ASIC2: variants seen among roughly 807,000 people sequenced by gnomAD.
The protein encoded by ASIC2 is acid sensing ion channel subunit 2.
A neutral mutation model predicts 57.3 loss-of-function variants in ASIC2; 25 were observed. That is an observed-to-expected ratio of 0.44 (90% CI 0.32 to 0.61). The LOEUF (loss-of-function observed/expected upper bound fraction) is 0.61, where lower values mean the gene tolerates loss of function less well. Ranked by LOEUF, ASIC2 falls within the 20% of genes least tolerant of loss-of-function variation. ASIC2 has a pLI of 0.06. For missense variants in ASIC2, 641 were observed against 738.1 expected, an observed-to-expected ratio of 0.87 and a Z score of 1.52; for synonymous variants, 319 against 307.5, an observed-to-expected ratio of 1.04 and a Z score of -0.39.
chr17:33,305,088 T>C (rs773607694), intron 1 of ASIC2, among the ~76,000 whole-genome samples: 4 of 152,210 alleles, frequency 2.6e-5, no homozygotes, highest in Non-Finnish European at 4.4e-5. Flanking sequence ...ATAGCTTTAA[T>C]TAATTGAGGC....
intron 1 of ASIC2, among the ~76,000 whole-genome samples, chr17:33,555,135 A>G (rs890910001): frequency 2.0e-5 from 3 of 152,170 alleles, no homozygotes; most frequent in Admixed American, 6.6e-5. Flanking sequence ...CAGATGTCTC[A>G]GAAAGTTATG....
chr17:33,990,071 G>A (rs1192823438), intron 1 of ASIC2, among the ~76,000 whole-genome samples: 1 of 152,198 alleles, frequency 6.6e-6, no homozygotes, highest in Non-Finnish European at 1.5e-5. Context: ...AAAAGAATGA[G>A]AGAAGAAGGG....
At chr17:33,906,057 C>T (rs1321359238) in intron 1 of ASIC2, among the ~76,000 whole-genome samples, 4 of 145,926 alleles carry the variant, frequency 2.7e-5, no homozygotes, top group Non-Finnish European at 4.5e-5. Context: ...TTACATTGTC[C>T]AGGCTGGTTT....
At chr17:33,682,060 C>CTTTT (rs58085265) in intron 1 of ASIC2, among the ~76,000 whole-genome samples, 4,417 of 122,696 alleles carry the variant, frequency 0.036, 372 homozygotes, top group African/African-American at 0.11. Flanking sequence ...TCAGTGACAT[C>CTTTT]TTTTTTTTTT....
intron 7 of ASIC2, among the ~76,000 whole-genome samples, chr17:33,019,474 C>CGT (rs2091825157): frequency 6.6e-6 from 1 of 151,660 alleles, no homozygotes; most frequent in Admixed American, 6.6e-5. Context: ...CCTGGACCAC[C>CGT]GTGGGTGCAT....
chr17:33,878,233 C>A (rs1381071269), intron 1 of ASIC2, among the ~76,000 whole-genome samples: 1 of 152,166 alleles, frequency 6.6e-6, no homozygotes, highest in Non-Finnish European at 1.5e-5. Flanking sequence ...ACCTCCTCAC[C>A]AGCAACAGAA....
chr17:33,753,320 AG>A lies in ASIC2; in HGVS notation c.555+402657del, dbSNP rs138916215. Among the ~76,000 whole-genome samples the A allele has an allele frequency of 2.9e-3, 436 of 152,054 alleles. 1 individual carries two copies. The highest frequency in any genetic ancestry group is 0.01 in the African/African-American group (421 of 41,510). ...ATTGGGGGAAGAAAAGGAGGGAAGA[AG>A]GGGTGAAGCTTGGGGGTGGGAGTCT... On this transcript the variant is annotated intron_variant, in intron 1 of 9. Transcript: ENST00000359872.
chr17:33,530,531 T>G (rs918967305), intron 1 of ASIC2, among the ~76,000 whole-genome samples: 2 of 152,222 alleles, frequency 1.3e-5, no homozygotes, highest in African/African-American at 4.8e-5. Context: ...TGAAACCACT[T>G]AATTGGCATG....
At chr17:33,936,359 T>G (rs1916059591) in intron 1 of ASIC2, 1 of 152,216 alleles carries the variant, frequency 6.6e-6, no homozygotes, top group Admixed American at 6.5e-5. Flanking sequence ...TTTTTTGGAC[T>G]GCACGTGGTC....
rs938617835 is a variant in ASIC2, at chr17:33,448,047, C to T, written c.556-335980G>A. On this transcript the variant is annotated intron_variant, in intron 1 of 9. Transcript: ENST00000359872. ...CCCTGAAAGCATGTACATCTTTATG[C>T]ATAATAAAATAAAATAAAATAAAAT... Among the ~76,000 whole-genome samples the T allele has an allele frequency of 1.5e-4, 18 of 122,386 alleles. No homozygotes were observed. In the South Asian group the frequency reaches 4.9e-3, roughly 33 times the overall value. 80.3% of individuals were successfully genotyped at this position (122,386 alleles called of 152,430 possible).
At chr17:34,039,220 G>A in intron 1 of ASIC2, 1 of 1,613,930 alleles carries the variant, frequency 6.2e-7, no homozygotes, top group African/African-American at 1.3e-5. Flanking sequence ...TTCTAGTGCA[G>A]ATATTTTTTC....
chr17:34,106,399 T>A (rs1177462200), intron 1 of ASIC2, among the ~76,000 whole-genome samples: 1 of 152,126 alleles, frequency 6.6e-6, no homozygotes, highest in African/African-American at 2.4e-5. Context: ...CCATTTTTAC[T>A]ACGATGATCA....
chr17:33,379,335 C>T (rs138500984), intron 1 of ASIC2, among the ~76,000 whole-genome samples: 51 of 152,332 alleles, frequency 3.3e-4, no homozygotes, highest in African/African-American at 1.2e-3. Flanking sequence ...TTCAGATAAA[C>T]TCAGCAAGGA....
intron 1 of ASIC2, among the ~76,000 whole-genome samples, chr17:33,742,146 C>T (rs1023826661): frequency 4.6e-5 from 7 of 152,140 alleles, no homozygotes; most frequent in Admixed American, 6.5e-5. Flanking sequence ...TTGTTCATAT[C>T]GATCTGGATA....
intron 1 of ASIC2, among the ~76,000 whole-genome samples, chr17:33,439,210 A>T (rs903851396): frequency 2.6e-5 from 4 of 152,164 alleles, no homozygotes; most frequent in Admixed American, 6.5e-5. Context: ...CAATTTAGAC[A>T]CCTGGCTGAT....
chr17:33,293,933 T>G (rs1472889664), upstream of ASIC2, among the ~76,000 whole-genome samples: 1 of 152,192 alleles, frequency 6.6e-6, no homozygotes, highest in East Asian at 1.9e-4. Context: ...TGTGTGTATG[T>G]GCATGTGTTG....
intron 1 of ASIC2, among the ~76,000 whole-genome samples, chr17:33,601,096 G>A (rs1169030823): frequency 1.3e-5 from 2 of 152,000 alleles, no homozygotes; most frequent in Non-Finnish European, 2.9e-5. Flanking sequence ...TTTAAAGATG[G>A]GATTTATAAT....
intron 1 of ASIC2, among the ~76,000 whole-genome samples, chr17:33,682,725 A>T (rs1245878294): frequency 6.7e-6 from 1 of 148,496 alleles, no homozygotes; most frequent in African/African-American, 2.5e-5. Context: ...TTGGGATATT[A>T]AAAAAAAAAT....
intron 1 of ASIC2, among the ~76,000 whole-genome samples, chr17:34,076,193 C>T (rs1364754172): frequency 2.0e-5 from 3 of 151,870 alleles, no homozygotes; most frequent in Admixed American, 1.3e-4. Context: ...TTAATAGACA[C>T]GGGGTTTCAC....
Sources: gnomAD v4.1 joint callset for allele counts (sites outside exome capture counted in the v4.1 genomes callset) on GRCh38, gnomAD v4.1.1 for gene constraint, MANE v1.5 for transcripts, NCBI Gene and HGNC (gene_info 2026-07-23, HGNC 2026-07-21) for gene names.